SOX5: variants seen among roughly 807,000 people sequenced by gnomAD.
SOX5 encodes the protein SRY-box transcription factor 5, also known as transcription factor SOX-5.
SOX5 carries 9 observed loss-of-function variants against 92.0 expected under a neutral mutation model. That is an observed-to-expected ratio of 0.10 (90% confidence interval 0.06 to 0.17). The LOEUF is 0.17. Among genes scored for constraint, SOX5 ranks in the 10% least tolerant of loss-of-function variants. The pLI is 1.00. For synonymous variants in SOX5, 344 were observed against 336.3 expected (o/e 1.02, Z -0.25); for missense variants, 642 against 944.5 (o/e 0.68, Z 4.20).
intron 4 of SOX5, among the ~76,000 whole-genome samples, chr12:23,988,803 G>C (rs956403692): frequency 6.6e-6 from 1 of 152,106 alleles, no homozygotes; most frequent in African/African-American, 2.4e-5. Context: ...TGGCAGGCTA[G>C]GGAAGACTTA....
chr12:24,397,349 A>G (rs1202852024), intron 1 of SOX5, among the ~76,000 whole-genome samples: 1 of 152,256 alleles, frequency 6.6e-6, no homozygotes, highest in African/African-American at 2.4e-5. Context: ...GCTTTACAGC[A>G]TAAGATCTTA....
At chr12:24,526,751 A>C (rs530383623) in intron 1 of SOX5, among the ~76,000 whole-genome samples, 6 of 152,230 alleles carry the variant, frequency 3.9e-5, no homozygotes, top group African/African-American at 1.4e-4. Flanking sequence ...CCCCAACCAA[A>C]GCAGGTCCTG....
chr12:23,695,061 A>G (rs2089565856), intron 6 of SOX5, among the ~76,000 whole-genome samples: 2 of 151,150 alleles, frequency 1.3e-5, no homozygotes, highest in Non-Finnish European at 2.9e-5. Flanking sequence ...TCGGGGCTGC[A>G]GTGAGCCGTG....
intron 1 of SOX5, among the ~76,000 whole-genome samples, chr12:23,903,842 G>C (rs950334113): frequency 2.0e-5 from 3 of 152,166 alleles, no homozygotes; most frequent in African/African-American, 7.2e-5. Flanking sequence ...GTGTATTAAA[G>C]ATTGTTTCAC....
chr12:23,998,122 G>C (rs1951213666), intron 4 of SOX5, among the ~76,000 whole-genome samples: 2 of 152,038 alleles, frequency 1.3e-5, no homozygotes, highest in South Asian at 4.1e-4. Context: ...CCAGGTGTCA[G>C]ACTTGCCTAA....
At chr12:24,179,051 TA>T (rs1169233279) in intron 4 of SOX5, among the ~76,000 whole-genome samples, 2 of 152,192 alleles carry the variant, frequency 1.3e-5, no homozygotes, top group Non-Finnish European at 2.9e-5. Flanking sequence ...GTTGGTCACA[TA>T]AAAATGATAT....
At chr12:23,763,091 A>T (rs2094609557) in intron 3 of SOX5, among the ~76,000 whole-genome samples, 1 of 152,340 alleles carries the variant, frequency 6.6e-6, no homozygotes, top group Middle Eastern at 3.4e-3. Context: ...CCAAATATTT[A>T]CAATGATAAT....
chr12:23,875,093 A>G (rs577888505), intron 2 of SOX5, among the ~76,000 whole-genome samples: 1 of 152,322 alleles, frequency 6.6e-6, no homozygotes, highest in Admixed American at 6.5e-5. Context: ...GTGCATCTTA[A>G]GACTGTGTGG....
chr12:24,233,555 A>G (rs1268213911), intron 3 of SOX5, among the ~76,000 whole-genome samples: 3 of 152,246 alleles, frequency 2.0e-5, no homozygotes, highest in Non-Finnish European at 4.4e-5. Context: ...AAAGTTGCAC[A>G]TACCTTTGTG....
At position 24,049,525 on chromosome 12, in the gene SOX5, A is replaced by G. The variant is rs190153320; in HGVS notation, c.-1-153501T>C. Among the ~76,000 whole-genome samples the G allele has an allele frequency of 2.1e-3, 324 of 151,940 alleles. 4 individuals carry two copies. The highest frequency in any genetic ancestry group is 0.019 in the Admixed American group (289 of 15,260). The stretch of plus-strand genomic sequence containing the variant: ...TGAACATGGCAAATTTGTCAATATG[A>G]TTTTTAGTCCTGCAGCTAATCATTA... On this transcript the variant is annotated intron_variant, in intron 4 of 4. Transcript: ENST00000446891.
intron 1 of SOX5, among the ~76,000 whole-genome samples, chr12:23,937,568 C>G (rs1038003318): frequency 2.0e-5 from 3 of 151,076 alleles, no homozygotes; most frequent in African/African-American, 7.2e-5. Flanking sequence ...GCAACAGATT[C>G]AGGAATATAA....
At chr12:23,672,776 T>A (rs2085005378) in intron 6 of SOX5, among the ~76,000 whole-genome samples, 1 of 152,172 alleles carries the variant, frequency 6.6e-6, no homozygotes, top group Admixed American at 6.6e-5. Context: ...GCAATATTAC[T>A]AGGATACAAC....
Position 24,167,218 on chromosome 12 carries a change from A to T in SOX5, c.-2+46125T>A, listed in dbSNP as rs545138732. 2.6e-5 allele frequency among the ~76,000 whole-genome samples: 4 copies of T among 152,326 alleles called. No homozygotes were observed. The South Asian group carries it at 8.3e-4, about 32-fold the overall frequency. On this transcript the variant is annotated intron_variant, in intron 4 of 4. Transcript: ENST00000446891. ...AACGATAGTTGTATGATTTTTTACA[A>T]GGAAATCATGGTGAAATAAATTTGG...
chr12:24,112,623 T>C (rs942656261), intron 4 of SOX5, among the ~76,000 whole-genome samples: 2 of 150,288 alleles, frequency 1.3e-5, no homozygotes, highest in Admixed American at 6.7e-5. Context: ...CTTGACTTTC[T>C]GAGCTCAAAC....
At chr12:24,063,610 T>A (rs1052609394) in intron 4 of SOX5, among the ~76,000 whole-genome samples, 7 of 152,232 alleles carry the variant, frequency 4.6e-5, no homozygotes, top group African/African-American at 1.4e-4. Context: ...GGATGGCGAA[T>A]GATTTCATAT....
At chr12:24,540,886 GC>G (rs1247022996) in intron 1 of SOX5, among the ~76,000 whole-genome samples, 1 of 152,114 alleles carries the variant, frequency 6.6e-6, no homozygotes, top group Middle Eastern at 3.2e-3. Context: ...CCTGTAGATG[GC>G]TATGTATGTG....
intron 3 of SOX5, chr12:24,230,531 A>G (rs1226783362): frequency 6.6e-6 from 1 of 152,162 alleles, no homozygotes; most frequent in Admixed American, 6.5e-5. Flanking sequence ...TAGTGTTAAT[A>G]TATGTAACAT....
intron 2 of SOX5, among the ~76,000 whole-genome samples, chr12:24,363,054 TTTA>T (rs1415260587): frequency 2.0e-5 from 3 of 152,010 alleles, no homozygotes; most frequent in Non-Finnish European, 4.4e-5. Context: ...ATATGAAATA[TTTA>T]TTGATATTAA....
Position 23,538,799 on chromosome 12 carries a change from C to CTTT in SOX5, c.1772-2133_1772-2131dup, listed in dbSNP as rs67268404. 9.9e-3 allele frequency among the ~76,000 whole-genome samples: 1,074 copies of CTTT among 108,106 alleles called. 44 individuals are homozygous for CTTT. Among genetic ancestry groups the CTTT allele is most frequent in the African/African-American group, 0.033 (1,001 of 29,992 alleles). The allele number at this position is 108,106 out of a possible 152,430, so 70.9% of individuals were successfully genotyped here. ...AATTCGAAAACGAAACCAGCATTTT[C>CTTT]TTTTTTTTTTTTTTTTTTTGAGACA... On this transcript the variant is annotated intron_variant, in intron 13 of 14. Coordinates refer to ENST00000451604, the MANE Select transcript of SOX5 (RefSeq NM_006940.6).
Sources: allele counts gnomAD v4.1 joint callset (sites outside exome capture counted in the v4.1 genomes callset), GRCh38; gene constraint gnomAD v4.1.1; transcripts MANE v1.5; gene names NCBI Gene and HGNC (gene_info 2026-07-23, HGNC 2026-07-21).